Variants in LCMT1 observed in about 807,000 individuals in gnomAD.
LCMT1 encodes [Phosphatase 2A protein]-leucine-carboxy methyltransferase 1.
LCMT1 carries 32 observed loss-of-function variants against 47.7 expected under a neutral mutation model. That is an observed-to-expected ratio of 0.67 (90% CI 0.51 to 0.90). LCMT1 has a LOEUF of 0.90. LCMT1 is among the 40% of genes least tolerant of loss of function. The pLI, the probability that LCMT1 is intolerant of heterozygous loss-of-function variation, is 0.00. For missense variants in LCMT1, 375 were observed against 415.2 expected (o/e 0.90, Z 0.84); for synonymous variants, 152 against 149.7 (o/e 1.02, Z -0.11).
intron 1 of LCMT1, among the ~76,000 whole-genome samples, chr16:25,116,237 C>T (rs1597554149): frequency 6.6e-6 from 1 of 152,128 alleles, no homozygotes; most frequent in Non-Finnish European, 1.5e-5. Flanking sequence ...TGGGAAAATT[C>T]TATCCAGTAG....
chr16:25,122,103 A>G (rs938766580), intron 1 of LCMT1, among the ~76,000 whole-genome samples: 2 of 152,218 alleles, frequency 1.3e-5, no homozygotes, highest in African/African-American at 4.8e-5. Flanking sequence ...ATGCTTCTTG[A>G]AAGAGGTTAT....
chr16:25,111,769 G>C lies in LCMT1; in HGVS notation c.-115G>C. The C allele has an allele frequency of 1.4e-6, 1 of 703,784 alleles. No homozygotes were observed. Among genetic ancestry groups the C allele is most frequent in the South Asian group, 1.7e-5 (1 of 58,824 alleles). The allele number at this position is 703,784 out of a possible 1,614,324, so 43.6% of individuals were successfully genotyped here. The stretch of plus-strand genomic sequence containing the variant: ...CACTGAGCCGCGCCAGCTGAGCCAG[G>C]TAGGGCCCTACCCTCTTCTGTTGCT... On this transcript the variant is annotated 5_prime_UTR_variant, in exon 1 of 11. Transcript: ENST00000399069.
At chr16:25,170,927 C>A in intron 9 of LCMT1, 122 bp downstream of exon 9, 2 of 695,734 alleles carry the variant, frequency 2.9e-6, no homozygotes. Flanking sequence ...AAACAAAAAA[C>A]AAACAAACAA....
chr16:25,153,919 C>T (rs188961778), intron 5 of LCMT1, among the ~76,000 whole-genome samples: 5 of 152,252 alleles, frequency 3.3e-5, no homozygotes, highest in Admixed American at 2.0e-4. Flanking sequence ...TGCCGCTGCA[C>T]TCCAGACTGA....
rs974599461 is a variant in LCMT1, at chr16:25,169,187, G to A, written c.766G>A (p.Glu256Lys). 6.2e-7 allele frequency: 1 copy of A among 1,612,950 alleles called. No homozygotes were observed. The highest frequency in any genetic ancestry group is 1.3e-5 in the African/African-American group (1 of 75,032). The change falls in exon 8 of 11, where the codon GAG (glutamate) becomes AAG (lysine). Residue 256 changes from glutamate to lysine, a missense_variant. Physicochemically the swap from Glu to Lys is moderately conservative, Grantham distance 56. Coordinates refer to ENST00000399069, the MANE Select transcript of LCMT1 (RefSeq NM_016309.3). The stretch of plus-strand genomic sequence containing the variant: ...ACGCCAGTGTGACCTGGCGGGAGTG[G>A]AGACCTGCAAGTCATTAGAGTCACA... ...RRRQCDLAGV[E>K]TCKSLESQKE...
intron 3 of LCMT1, among the ~76,000 whole-genome samples, chr16:25,136,705 G>A (rs1445972913): frequency 1.3e-5 from 2 of 151,156 alleles, no homozygotes; most frequent in East Asian, 2.0e-4. Context: ...GCGCACCACC[G>A]TGCCTGGCTA....
At chr16:25,170,865 C>T in intron 9 of LCMT1, 60 bp downstream of exon 9, 2 of 1,058,306 alleles carry the variant, frequency 1.9e-6, no homozygotes, top group South Asian at 2.9e-5. Flanking sequence ...GGCATGATTG[C>T]CTGTATTCTT....
At position 25,111,936 on chromosome 16, in the gene LCMT1, G is replaced by C; in HGVS notation, c.53G>C (p.Ser18Thr). The change falls in exon 1 of 11, where the codon AGC (serine) becomes ACC (threonine). Residue 18 changes from serine to threonine, a missense_variant. Ser to Thr is a moderately conservative substitution (Grantham distance 58). Coordinates refer to ENST00000399069, the MANE Select transcript of LCMT1 (RefSeq NM_016309.3). Reference protein sequence around the residue: ...SSITSCCSTSSCDADDEGVRG... With the variant: ...SSITSCCSTSTCDADDEGVRG... ...ATCACCTCCTGCTGTTCCACCTCGA[G>C]CTGCGACGCAGACGACGAGGGCGTG... The C allele has an allele frequency of 6.2e-7, 1 of 1,613,678 alleles. No homozygotes were observed. The highest frequency in any genetic ancestry group is 8.5e-7 in the Non-Finnish European group (1 of 1,179,790).
intron 5 of LCMT1, among the ~76,000 whole-genome samples, chr16:25,154,431 G>A (rs1415232886): frequency 1.3e-5 from 2 of 149,540 alleles, no homozygotes; most frequent in African/African-American, 4.9e-5. Context: ...TTTTCCATTA[G>A]TTTGTAGTTT....
chr16:25,123,867 C>T (rs951531607), intron 1 of LCMT1, among the ~76,000 whole-genome samples: 11 of 152,124 alleles, frequency 7.2e-5, no homozygotes, highest in African/African-American at 2.7e-4. Flanking sequence ...CCTCGGCCTC[C>T]CAAAATGCTG....
chr16:25,125,898 G>A (rs1462993395), intron 1 of LCMT1: 4 of 638,050 alleles, frequency 6.3e-6, no homozygotes, highest in Non-Finnish European at 6.1e-6. Context: ...TTGTTCAGCA[G>A]TTGGTTCACT....
At chr16:25,165,140 C>G (rs747688961) in intron 7 of LCMT1, among the ~76,000 whole-genome samples, 10 of 152,152 alleles carry the variant, frequency 6.6e-5, no homozygotes, top group Non-Finnish European at 1.2e-4. Context: ...TCCCATCTCA[C>G]AGGAGTGGCC....
intron 4 of LCMT1, 128 bp downstream of exon 4, chr16:25,140,375 CTTT>C: frequency 1.5e-6 from 1 of 678,656 alleles, no homozygotes; most frequent in Non-Finnish European, 2.5e-6. Context: ...CCCCCACCAA[CTTT>C]TTTTTTGCCC....
chr16:25,120,431 CT>C (rs1165987549), intron 1 of LCMT1, among the ~76,000 whole-genome samples: 47 of 134,568 alleles, frequency 3.5e-4, no homozygotes, highest in Admixed American at 4.5e-4. Flanking sequence ...TTTTCTTTTT[CT>C]TTTTTTTTTT....
At chr16:25,177,786 T>C (rs1054692202) in intron 10 of LCMT1, among the ~76,000 whole-genome samples, 7 of 152,184 alleles carry the variant, frequency 4.6e-5, no homozygotes, top group African/African-American at 1.4e-4. Flanking sequence ...TAAACTGTTA[T>C]AATGTTTTCT....
chr16:25,123,509 G>A (rs1462661851), intron 1 of LCMT1, among the ~76,000 whole-genome samples: 1 of 151,258 alleles, frequency 6.6e-6, no homozygotes, highest in Non-Finnish European at 1.5e-5. Context: ...ACAGGCGTGA[G>A]CCACCGCACT....
intron 10 of LCMT1, among the ~76,000 whole-genome samples, chr16:25,176,955 A>G (rs1961964276): frequency 6.6e-6 from 1 of 151,542 alleles, no homozygotes; most frequent in African/African-American, 2.4e-5. Flanking sequence ...TAAGGCAGGC[A>G]GATCACCTGA....
At chr16:25,117,077 T>C (rs1482555154) in intron 1 of LCMT1, among the ~76,000 whole-genome samples, 2 of 151,452 alleles carry the variant, frequency 1.3e-5, no homozygotes, top group African/African-American at 4.9e-5. Context: ...TCCCAAGGAG[T>C]ATGGGTTTTA....
chr16:25,118,170 T>C (rs1327018969), intron 1 of LCMT1, among the ~76,000 whole-genome samples: 1 of 152,128 alleles, frequency 6.6e-6, no homozygotes, highest in Non-Finnish European at 1.5e-5. Context: ...CCTGTTGCCA[T>C]TAGAAAAAGA....
Sources: gnomAD v4.1 joint callset for allele counts (sites outside exome capture counted in the v4.1 genomes callset) on GRCh38, gnomAD v4.1.1 for gene constraint, MANE v1.5 for transcripts, NCBI Gene and HGNC (gene_info 2026-07-23, HGNC 2026-07-21) for gene names.